Variants in STK32B observed in about 807,000 individuals in gnomAD.
STK32B encodes the protein serine/threonine kinase 32B, also known as serine/threonine-protein kinase 32B.
In STK32B, 43 loss-of-function variants were observed where a neutral mutation model predicts 52.6. The ratio of observed to expected loss-of-function variants is 0.82; its 90% CI spans 0.64 to 1.05. STK32B has a LOEUF of 1.05. STK32B is among the 50% of genes least tolerant of loss of function. The probability of loss-of-function intolerance (pLI) is 0.00; values close to 1 mark genes in which losing one functional copy is unlikely to be tolerated. For missense variants in STK32B, 621 were observed against 534.6 expected (o/e 1.16, Z -1.59); for synonymous variants, 238 against 204.3 (o/e 1.17, Z -1.41).
At chr4:5,344,397 A>G (rs917807426) in intron 4 of STK32B, among the ~76,000 whole-genome samples, 1 of 152,208 alleles carries the variant, frequency 6.6e-6, no homozygotes, top group Non-Finnish European at 1.5e-5. Flanking sequence ...CCGATGACCT[A>G]TGATGCACTG....
intron 3 of STK32B, among the ~76,000 whole-genome samples, chr4:5,244,784 T>C (rs1725318604): frequency 6.6e-6 from 1 of 152,216 alleles, no homozygotes; most frequent in Non-Finnish European, 1.5e-5. Context: ...GTGTCTTTGT[T>C]CTCACTGGTT....
intron 3 of STK32B, among the ~76,000 whole-genome samples, chr4:5,241,968 C>G (rs112119552): frequency 1.2e-4 from 18 of 152,224 alleles, no homozygotes; most frequent in East Asian, 1.9e-4. Context: ...TCTTAATCCA[C>G]TCTATCATTG....
chr4:5,146,013 G>A (rs1407740439), intron 2 of STK32B, among the ~76,000 whole-genome samples: 1 of 147,078 alleles, frequency 6.8e-6, no homozygotes, highest in African/African-American at 2.5e-5. Context: ...ACTTCATTTT[G>A]ATTTGATTTT....
intron 11 of STK32B, among the ~76,000 whole-genome samples, chr4:5,481,051 A>T (rs1174668163): frequency 6.6e-6 from 1 of 152,164 alleles, no homozygotes; most frequent in African/African-American, 2.4e-5. Flanking sequence ...ATACGTGTGC[A>T]TGTGTCTTTA....
At chr4:5,167,629 G>T (rs1283833410) in intron 2 of STK32B, among the ~76,000 whole-genome samples, 1 of 152,208 alleles carries the variant, frequency 6.6e-6, no homozygotes, top group Non-Finnish European at 1.5e-5. Flanking sequence ...TGTGGGGCTA[G>T]GCAAACTTAC....
chr4:5,362,668 G>A (rs1467924344), intron 4 of STK32B, among the ~76,000 whole-genome samples: 1 of 152,178 alleles, frequency 6.6e-6, no homozygotes, highest in Non-Finnish European at 1.5e-5. Context: ...GGCAGGGGCT[G>A]TTTGATAAAA....
intron 6 of STK32B, among the ~76,000 whole-genome samples, chr4:5,442,550 CTT>C (rs879498873): frequency 6.6e-6 from 1 of 150,852 alleles, no homozygotes; most frequent in African/African-American, 2.4e-5. Context: ...GGTCTTGACT[CTT>C]TATCCAATTT....
chr4:5,173,583 G>C (rs1402556384), intron 3 of STK32B, among the ~76,000 whole-genome samples: 1 of 152,134 alleles, frequency 6.6e-6, no homozygotes, highest in Non-Finnish European at 1.5e-5. Context: ...TTCAGGAGCA[G>C]GTTGTTAAGT....
At chr4:5,120,855 T>C (rs1714986366) in intron 1 of STK32B, among the ~76,000 whole-genome samples, 1 of 151,326 alleles carries the variant, frequency 6.6e-6, no homozygotes, top group African/African-American at 2.4e-5. Context: ...TATTATAAAA[T>C]AATATAACAC....
In STK32B at chr4:5,460,613, G is replaced by A. The variant is rs905419781; in HGVS notation, c.909+385G>A. 6.6e-6 allele frequency among the ~76,000 whole-genome samples: 1 copy of A among 152,218 alleles called. No individual in the cohort carries two copies. The highest frequency in any genetic ancestry group is 1.5e-5 in the Non-Finnish European group (1 of 68,030). On this transcript the variant is annotated intron_variant, in intron 9 of 11. Coordinates refer to ENST00000282908, the MANE Select transcript of STK32B (RefSeq NM_018401.3). The surrounding 1 kb of genome is among the most constrained non-coding windows in gnomAD (Gnocchi z 4.8). Reference sequence around the variant, plus strand: ...AGTCAGCACTTGTTGCACAAGCTCGGAAGAGGGAGAGGTGGGATGGGAGGG... The same window carrying A: ...AGTCAGCACTTGTTGCACAAGCTCGAAAGAGGGAGAGGTGGGATGGGAGGG...
At chr4:5,075,305 A>G (rs537538675) in intron 1 of STK32B, among the ~76,000 whole-genome samples, 2 of 152,298 alleles carry the variant, frequency 1.3e-5, no homozygotes, top group South Asian at 4.1e-4. Context: ...AAACATTTCA[A>G]CATTGTTGAA....
At chr4:5,240,773 T>C (rs556923456) in intron 3 of STK32B, among the ~76,000 whole-genome samples, 1 of 152,312 alleles carries the variant, frequency 6.6e-6, no homozygotes, top group African/African-American at 2.4e-5. Flanking sequence ...TACAGTCAAA[T>C]GTATCAATTT....
chr4:5,281,524 A>G (rs28622274), intron 3 of STK32B, among the ~76,000 whole-genome samples: 30,456 of 152,062 alleles, frequency 0.2, 5,978 homozygotes, highest in African/African-American at 0.51. Context: ...AGGTTGATGG[A>G]TGCAGCAAAC....
chr4:5,156,388 C>T (rs143237365), intron 2 of STK32B, among the ~76,000 whole-genome samples: 3 of 152,296 alleles, frequency 2.0e-5, no homozygotes, highest in Non-Finnish European at 4.4e-5. Flanking sequence ...GGTTAGCACG[C>T]AGAGGTGAGT....
At chr4:5,133,414 T>C (rs1715893006) in intron 1 of STK32B, among the ~76,000 whole-genome samples, 1 of 152,164 alleles carries the variant, frequency 6.6e-6, no homozygotes, top group South Asian at 2.1e-4. Context: ...GTGATCTCAT[T>C]TCCCACTCCC....
chr4:5,227,810 C>A (rs754278994), intron 3 of STK32B, among the ~76,000 whole-genome samples: 4 of 152,174 alleles, frequency 2.6e-5, no homozygotes, highest in Non-Finnish European at 4.4e-5. Flanking sequence ...TATCCTGATT[C>A]ATCAGTGCCA....
At chr4:5,195,441 C>A (rs1159015902) in intron 3 of STK32B, among the ~76,000 whole-genome samples, 1 of 152,112 alleles carries the variant, frequency 6.6e-6, no homozygotes, top group Non-Finnish European at 1.5e-5. Context: ...GTCAGTAATC[C>A]CAGCACTTTG....
At chr4:5,171,037 T>C (rs969657174) in intron 3 of STK32B, among the ~76,000 whole-genome samples, 1 of 152,234 alleles carries the variant, frequency 6.6e-6, no homozygotes, top group Non-Finnish European at 1.5e-5. Context: ...TGGTTTTGAT[T>C]TGTATTTCTC....
Position 5,401,840 on chromosome 4 carries a change from C to G in STK32B, c.472+3596C>G, listed in dbSNP as rs536899745. Among the ~76,000 whole-genome samples, 10 of 152,338 alleles carry G rather than the reference C, an allele frequency of 6.6e-5. No homozygotes were observed. The East Asian group carries it at 1.9e-3, about 29-fold the overall frequency. On this transcript the variant is annotated intron_variant, in intron 5 of 11. Coordinates refer to ENST00000282908, the MANE Select transcript of STK32B (RefSeq NM_018401.3). ...ATAAACAAAAAACATCCCGTTAGCT[C>G]ACAGCATCCTGGGGTTGAGGGACTC...
Sources: allele counts gnomAD v4.1 joint callset (sites outside exome capture counted in the v4.1 genomes callset), GRCh38; gene constraint gnomAD v4.1.1; non-coding constraint Gnocchi (gnomAD v3.1); transcripts MANE v1.5; gene names NCBI Gene and HGNC (gene_info 2026-07-23, HGNC 2026-07-21).